ELMOD2: variants seen among roughly 807,000 people sequenced by gnomAD.
ELMOD2 encodes ELMO domain-containing protein 2.
A neutral mutation model predicts 41.0 loss-of-function variants in ELMOD2; 28 were observed. The ratio of observed to expected loss-of-function variants is 0.68; its 90% CI spans 0.51 to 0.94. The LOEUF (loss-of-function observed/expected upper bound fraction) is 0.94, where lower values mean the gene tolerates loss of function less well. Among genes scored for constraint, ELMOD2 ranks in the 40% least tolerant of loss-of-function variants. The pLI is 0.00. For synonymous variants in ELMOD2, 106 were observed against 107.2 expected, an observed-to-expected ratio of 0.99 and a Z score of 0.07; for missense variants, 333 against 343.1, an observed-to-expected ratio of 0.97 and a Z score of 0.23.
intron 7 of ELMOD2, among the ~76,000 whole-genome samples, chr4:140,543,072 T>C (rs1404310533): frequency 6.6e-6 from 1 of 151,938 alleles, no homozygotes; most frequent in South Asian, 2.1e-4. Context: ...ATAGTAACAA[T>C]GTTAGATCAT....
At chr4:140,537,358 G>A in intron 4 of ELMOD2, 54 bp from the exon 5 acceptor site, 3 of 1,391,328 alleles carry the variant, frequency 2.2e-6, no homozygotes, top group Non-Finnish European at 2.8e-6. Flanking sequence ...AGCTATGAAA[G>A]ACTTTATTGT....
intron 8 of ELMOD2, among the ~76,000 whole-genome samples, chr4:140,547,401 A>G (rs1251653014): frequency 6.6e-6 from 1 of 152,108 alleles, no homozygotes; most frequent in African/African-American, 2.4e-5. Context: ...GATTCTGGGA[A>G]GTTACCACTA....
intron 3 of ELMOD2, among the ~76,000 whole-genome samples, chr4:140,535,112 C>T (rs1280492153): frequency 6.8e-6 from 1 of 147,244 alleles, no homozygotes; most frequent in East Asian, 2.0e-4. Context: ...TCACCTTTTA[C>T]TTTTCTCTGG....
intron 5 of ELMOD2, among the ~76,000 whole-genome samples, chr4:140,538,309 CG>C (rs1311521244): frequency 1.3e-5 from 2 of 152,044 alleles, no homozygotes; most frequent in Non-Finnish European, 1.5e-5. Flanking sequence ...ATTTTAAAAT[CG>C]TTAAAGAAAA....
chr4:140,536,002 C>T (rs1310802491), intron 4 of ELMOD2, among the ~76,000 whole-genome samples, 172 bp downstream of exon 4: 4 of 152,142 alleles, frequency 2.6e-5, no homozygotes, highest in East Asian at 1.9e-4. Flanking sequence ...GTGATAGAAT[C>T]GGGACTAGAA....
At position 140,525,420 on chromosome 4, in the gene ELMOD2, GA is replaced by G. The variant is rs748077962; in HGVS notation, c.1del. The G allele has an allele frequency of 3.6e-5, 57 of 1,594,386 alleles. No homozygotes were observed. Among genetic ancestry groups the G allele is most frequent in the Admixed American group, 1.7e-4 (10 of 58,324 alleles). On this transcript the variant is annotated splice_region_variant and 5_prime_UTR_variant, in exon 2 of 9. Transcript: ENST00000323570. ...TGTCTTGTATGTTTCCCTCCTCCAG[GA>G]AAAAAAAATGTTTATTTCTTTGTGG...
At chr4:140,538,383 A>C (rs555954375) in intron 5 of ELMOD2, among the ~76,000 whole-genome samples, 1 of 152,220 alleles carries the variant, frequency 6.6e-6, no homozygotes, top group South Asian at 2.1e-4. Flanking sequence ...AACAACATTG[A>C]TACTATCTAA....
chr4:140,549,147 G>T (rs1274238261), intron 8 of ELMOD2, among the ~76,000 whole-genome samples: 1 of 152,086 alleles, frequency 6.6e-6, no homozygotes, highest in Non-Finnish European at 1.5e-5. Context: ...GAATCATGCA[G>T]TTTTTACTCA....
At chr4:140,533,671 A>C (rs1159292011) in intron 3 of ELMOD2, among the ~76,000 whole-genome samples, 1 of 152,174 alleles carries the variant, frequency 6.6e-6, no homozygotes, top group Non-Finnish European at 1.5e-5. Context: ...AAGGAAAGGA[A>C]TAGGCAGGCC....
At chr4:140,544,234 G>A (rs925038380) in intron 8 of ELMOD2, among the ~76,000 whole-genome samples, 4 of 152,114 alleles carry the variant, frequency 2.6e-5, no homozygotes, top group Non-Finnish European at 1.5e-5. Flanking sequence ...TCATTTGAAT[G>A]TTGGTAGCAT....
At chr4:140,543,412 T>A in intron 7 of ELMOD2, 41 bp from the exon 8 acceptor site, 1 of 1,563,734 alleles carries the variant, frequency 6.4e-7, no homozygotes, top group South Asian at 1.2e-5. Context: ...TTTTATGAGT[T>A]ATTTGGCTAG....
At chr4:140,530,871 TAA>T (rs200935219) in intron 3 of ELMOD2, among the ~76,000 whole-genome samples, 287 of 152,250 alleles carry the variant, frequency 1.9e-3, no homozygotes, top group African/African-American at 6.4e-3. Flanking sequence ...TTTTATTCGA[TAA>T]AAAAGTCTGG....
chr4:140,548,056 T>G (rs943878395), intron 8 of ELMOD2, among the ~76,000 whole-genome samples: 1 of 152,212 alleles, frequency 6.6e-6, no homozygotes, highest in African/African-American at 2.4e-5. Context: ...CTGACACTGA[T>G]TTATATTATA....
In ELMOD2 at chr4:140,550,461, C is replaced by A; in HGVS notation, c.*86C>A. 1.5e-6 allele frequency: 2 copies of A among 1,290,834 alleles called. No homozygotes were observed. Among genetic ancestry groups the A allele is most frequent in the Non-Finnish European group, 2.1e-6 (2 of 949,254 alleles). The allele number at this position is 1,290,834 out of a possible 1,614,324, so 80.0% of individuals were successfully genotyped here. A position where few individuals can be genotyped will look rare whatever the true frequency, so the allele number is the denominator to read the frequency against. On this transcript the variant is annotated 3_prime_UTR_variant, in exon 9 of 9. Coordinates refer to ENST00000323570, the MANE Select transcript of ELMOD2 (RefSeq NM_153702.4). The stretch of plus-strand genomic sequence containing the variant: ...GTAATAGGAATTATCTGATCAATTA[C>A]ACTCTTATATATAATTTCCTACAAA...
intron 8 of ELMOD2, among the ~76,000 whole-genome samples, chr4:140,548,500 G>A (rs1241522855): frequency 1.3e-5 from 2 of 152,122 alleles, no homozygotes; most frequent in Non-Finnish European, 2.9e-5. Flanking sequence ...GTGGGAATAT[G>A]ATGATTTTAA....
intron 6 of ELMOD2, among the ~76,000 whole-genome samples, chr4:140,541,642 ACT>A (rs960005461): frequency 6.6e-6 from 1 of 151,752 alleles, no homozygotes; most frequent in Non-Finnish European, 1.5e-5. Context: ...AGCTTTGTAT[ACT>A]CTCTCCCCGG....
chr4:140,539,637 T>C (rs546978633), intron 5 of ELMOD2, among the ~76,000 whole-genome samples: 19 of 152,368 alleles, frequency 1.2e-4, no homozygotes, highest in African/African-American at 4.6e-4. Context: ...TGAGCCACCA[T>C]GCCCAGCTTG....
intron 3 of ELMOD2, among the ~76,000 whole-genome samples, chr4:140,532,987 C>A (rs1411962363): frequency 6.6e-6 from 1 of 152,120 alleles, no homozygotes; most frequent in Non-Finnish European, 1.5e-5. Flanking sequence ...ATACCACTTA[C>A]AAAAGCATCC....
At chr4:140,535,959 C>A (rs1734911806) in intron 4 of ELMOD2, 129 bp downstream of exon 4, 4 of 786,596 alleles carry the variant, frequency 5.1e-6, no homozygotes, top group Non-Finnish European at 7.8e-6. Flanking sequence ...GCTCTCACTT[C>A]ACAAGAGGAG....
Sources: allele counts gnomAD v4.1 joint callset (sites outside exome capture counted in the v4.1 genomes callset), GRCh38; gene constraint gnomAD v4.1.1; transcripts MANE v1.5; gene names NCBI Gene and HGNC (gene_info 2026-07-23, HGNC 2026-07-21).